The following TENM3 variants were observed in gnomAD, a reference collection of about 807,000 sequenced individuals.
TENM3 encodes the protein teneurin transmembrane protein 3, also known as teneurin-3.
TENM3 carries 63 observed loss-of-function variants against 255.1 expected under a neutral mutation model. The ratio of observed to expected loss-of-function variants is 0.25; its 90% CI spans 0.20 to 0.30. The LOEUF is 0.30. Among genes scored for constraint, TENM3 ranks in the 10% least tolerant of loss-of-function variants. The pLI is 1.00. For missense variants in TENM3, 2,929 were observed against 3,461.1 expected, an observed-to-expected ratio of 0.85 and a Z score of 3.86; for synonymous variants, 1,306 against 1,322.3, an observed-to-expected ratio of 0.99 and a Z score of 0.27.
chr4:182,078,680 C>G, the TENM3 span, among the ~76,000 whole-genome samples: 16 of 152,220 alleles, frequency 1.1e-4, no homozygotes, highest in African/African-American at 3.6e-4. Flanking sequence ...TGTGAAGAGG[C>G]CAGTTGCTAT....
At chr4:181,712,916 AG>A in the TENM3 span, among the ~76,000 whole-genome samples, 1 of 152,212 alleles carries the variant, frequency 6.6e-6, no homozygotes, top group South Asian at 2.1e-4. Context: ...TGGGATATAG[AG>A]GGGGGCTTCA....
intron 1 of TENM3, among the ~76,000 whole-genome samples, chr4:182,159,055 T>C (rs1033608050): frequency 7.2e-5 from 11 of 152,200 alleles, no homozygotes; most frequent in African/African-American, 2.7e-4. Context: ...AGGGCAAAGC[T>C]GCCTCGTCTC....
chr4:181,645,505 C>G, the TENM3 span, among the ~76,000 whole-genome samples: 4 of 152,184 alleles, frequency 2.6e-5, no homozygotes, highest in Admixed American at 1.3e-4. Flanking sequence ...AACAGGACAA[C>G]AGTCAAATTT....
intron 4 of TENM3, among the ~76,000 whole-genome samples, chr4:182,623,045 C>T (rs1279016036): frequency 2.0e-5 from 3 of 148,148 alleles, no homozygotes; most frequent in African/African-American, 5.0e-5. Context: ...GAGTCTCGCT[C>T]CATTGCCCAG....
At position 182,332,488 on chromosome 4, in the gene TENM3, T is replaced by C. The variant is rs943886246; in HGVS notation, c.232+8236T>C. Among the ~76,000 whole-genome samples the C allele has an allele frequency of 6.6e-5, 10 of 151,338 alleles. No homozygotes were observed. The East Asian group carries it at 1.4e-3, about 21-fold the overall frequency. On this transcript the variant is annotated intron_variant, in intron 2 of 27. Transcript: ENST00000511685. ...CGGGCAGATCAGCTGAAGTCAGGAG[T>C]TCGAGACCAGCCTGGCCAACATGGA...
intron 3 of TENM3, among the ~76,000 whole-genome samples, chr4:182,460,824 G>A (rs2151387591): frequency 6.6e-6 from 1 of 152,214 alleles, no homozygotes; most frequent in South Asian, 2.1e-4. Context: ...CATGATTAGT[G>A]TAAAAATGTT....
In TENM3 at chr4:182,536,032, C is replaced by T. The variant is rs564359324; in HGVS notation, c.512-64892C>T. Among the ~76,000 whole-genome samples, 3 of 152,088 alleles carry T rather than the reference C, an allele frequency of 2.0e-5. No homozygotes were observed. In the East Asian group the frequency reaches 5.8e-4, roughly 29 times the overall value. ...CCTTACAACAATGAAGAATTCCGTC[C>T]AATATGTAGGAAACTCCAAATGGGA... On this transcript the variant is annotated intron_variant, in intron 3 of 27. Transcript: ENST00000511685.
chr4:182,391,305 T>A (rs1205309774), intron 3 of TENM3, among the ~76,000 whole-genome samples: 2 of 152,336 alleles, frequency 1.3e-5, no homozygotes, highest in Non-Finnish European at 2.9e-5. Context: ...TTAACTAATT[T>A]ATCCAGAGTT....
chr4:182,723,705 A>G (rs898893783), intron 13 of TENM3, among the ~76,000 whole-genome samples: 3 of 152,330 alleles, frequency 2.0e-5, no homozygotes, highest in Admixed American at 6.5e-5. Flanking sequence ...TGATGTGTAA[A>G]GTATAATAGG....
intron 1 of TENM3, among the ~76,000 whole-genome samples, chr4:182,282,894 GAAA>G (rs35385277): frequency 1.4e-5 from 1 of 70,952 alleles, no homozygotes; most frequent in Non-Finnish European, 2.8e-5. Flanking sequence ...CTCCATTTCA[GAAA>G]AAAAAAAAAA....
the TENM3 span, among the ~76,000 whole-genome samples, chr4:181,566,337 T>G: frequency 6.6e-6 from 1 of 152,198 alleles, no homozygotes; most frequent in African/African-American, 2.4e-5. Flanking sequence ...GGAGAAATTT[T>G]GGGAAAGGGA....
At chr4:182,613,107 A>G (rs549407983) in intron 4 of TENM3, among the ~76,000 whole-genome samples, 17 of 152,360 alleles carry the variant, frequency 1.1e-4, no homozygotes, top group Admixed American at 3.3e-4. Context: ...ATAGATGGCC[A>G]TCAATAATTA....
At chr4:182,738,078 T>C (rs1028355511) in intron 17 of TENM3, among the ~76,000 whole-genome samples, 1 of 152,208 alleles carries the variant, frequency 6.6e-6, no homozygotes, top group Non-Finnish European at 1.5e-5. Context: ...ATCTAATCAC[T>C]GTTTGAGACT....
At chr4:182,284,078 T>C (rs1276068894) in intron 1 of TENM3, among the ~76,000 whole-genome samples, 3 of 152,178 alleles carry the variant, frequency 2.0e-5, no homozygotes, top group Non-Finnish European at 4.4e-5. Context: ...TATTTTCCCT[T>C]TACAAAGTCT....
At chr4:182,465,562 C>T (rs1315209349) in intron 3 of TENM3, among the ~76,000 whole-genome samples, 4 of 151,784 alleles carry the variant, frequency 2.6e-5, no homozygotes, top group African/African-American at 4.8e-5. Context: ...TTATAGCGGC[C>T]GGATCTAAAA....
the TENM3 span, among the ~76,000 whole-genome samples, chr4:181,821,839 C>T: frequency 6.6e-6 from 1 of 152,120 alleles, no homozygotes; most frequent in East Asian, 1.9e-4. Flanking sequence ...TTCTTTGGTT[C>T]TATTCATACT....
At chr4:181,767,069 G>A in the TENM3 span, among the ~76,000 whole-genome samples, 61 of 128,338 alleles carry the variant, frequency 4.8e-4, no homozygotes, top group Non-Finnish European at 6.3e-4. Flanking sequence ...TGGCTAACAA[G>A]GGGAAATCCC....
chr4:182,171,122 G>A (rs1021177247), intron 1 of TENM3, among the ~76,000 whole-genome samples: 2 of 152,126 alleles, frequency 1.3e-5, no homozygotes, highest in African/African-American at 4.8e-5. Flanking sequence ...AGTATTGCCT[G>A]CTTCCAACAG....
the TENM3 span, among the ~76,000 whole-genome samples, chr4:181,720,915 G>T: frequency 6.6e-6 from 1 of 152,108 alleles, no homozygotes. Flanking sequence ...ACTGAAACAA[G>T]GTTTCCAGTG....
Sources: gnomAD v4.1 joint callset for allele counts (sites outside exome capture counted in the v4.1 genomes callset) on GRCh38, gnomAD v4.1.1 for gene constraint, MANE v1.5 for transcripts, NCBI Gene and HGNC (gene_info 2026-07-23, HGNC 2026-07-21) for gene names.